Variants in ABAT observed in about 807,000 individuals in gnomAD.
The protein encoded by ABAT is 4-aminobutyrate aminotransferase.
ABAT carries 45 observed loss-of-function variants against 64.6 expected under a neutral mutation model. That is an observed-to-expected ratio of 0.70 (90% CI 0.55 to 0.89). The LOEUF (loss-of-function observed/expected upper bound fraction) is 0.89, where lower values mean the gene tolerates loss of function less well. ABAT is among the 40% of genes least tolerant of loss of function. The pLI is 0.00. For missense variants in ABAT, 633 were observed against 658.4 expected (o/e 0.96, Z 0.42); for synonymous variants, 297 against 250.5 (o/e 1.19, Z -1.75).
chr16:8,686,203 G>A (rs1316544496), intron 1 of ABAT, among the ~76,000 whole-genome samples: 1 of 152,236 alleles, frequency 6.6e-6, no homozygotes, highest in Non-Finnish European at 1.5e-5. Flanking sequence ...CAGGCTGAGC[G>A]CCGGTCTGGG....
At chr16:8,708,747 T>C (rs2058005604) in intron 1 of ABAT, among the ~76,000 whole-genome samples, 1 of 152,236 alleles carries the variant, frequency 6.6e-6, no homozygotes, top group Non-Finnish European at 1.5e-5. Context: ...GCTTTGGGCT[T>C]TGGTTCAAAC....
intron 1 of ABAT, among the ~76,000 whole-genome samples, chr16:8,728,153 T>A (rs547706740): frequency 1.3e-5 from 2 of 152,316 alleles, no homozygotes; most frequent in South Asian, 4.1e-4. Context: ...TTGTGTTGAT[T>A]GAATTAGTGG....
intron 1 of ABAT, among the ~76,000 whole-genome samples, chr16:8,686,749 G>T (rs1175111260): frequency 3.3e-5 from 5 of 152,184 alleles, no homozygotes; most frequent in African/African-American, 1.2e-4. Context: ...CCCACTGCTG[G>T]CTCTGACCTC....
intron 1 of ABAT, among the ~76,000 whole-genome samples, chr16:8,719,875 G>A (rs939215122): frequency 3.3e-5 from 5 of 152,126 alleles, no homozygotes; most frequent in African/African-American, 9.7e-5. Flanking sequence ...GCAGTGGCAC[G>A]ACCTCTACTC....
At chr16:8,706,404 CAAAAAA>C (rs56329419) in intron 1 of ABAT, among the ~76,000 whole-genome samples, 12 of 95,086 alleles carry the variant, frequency 1.3e-4, no homozygotes, top group East Asian at 2.9e-4. Flanking sequence ...GACCCTGTTT[CAAAAAA>C]AAAAAAAAAA....
intron 1 of ABAT, among the ~76,000 whole-genome samples, chr16:8,735,306 C>T (rs953701952): frequency 1.3e-5 from 2 of 151,734 alleles, no homozygotes; most frequent in South Asian, 2.1e-4. Context: ...GGCTGGAGAG[C>T]AGTGGCGCGA....
At chr16:8,693,129 A>G (rs1186393322) in intron 1 of ABAT, among the ~76,000 whole-genome samples, 1 of 152,218 alleles carries the variant, frequency 6.6e-6, no homozygotes, top group Non-Finnish European at 1.5e-5. Context: ...TGTTGGGATT[A>G]CAGGCTTGAG....
intron 11 of ABAT, among the ~76,000 whole-genome samples, chr16:8,771,487 G>A (rs543825816): frequency 2.5e-4 from 29 of 114,058 alleles, no homozygotes; most frequent in Non-Finnish European, 4.9e-4. Context: ...TTTTTTTTGA[G>A]ACAGAGTTTC....
intron 6 of ABAT, among the ~76,000 whole-genome samples, chr16:8,760,812 C>T (rs1445638106): frequency 1.3e-5 from 2 of 152,206 alleles, no homozygotes; most frequent in Non-Finnish European, 2.9e-5. Context: ...TGGTGGCTCA[C>T]GCCTGTAATC....
At chr16:8,722,786 A>T (rs1304486969) in intron 1 of ABAT, 2 of 1,288,310 alleles carry the variant, frequency 1.6e-6, no homozygotes, top group Non-Finnish European at 2.0e-6. Context: ...TCCAGGGTCT[A>T]GCGGATTGCA....
chr16:8,731,732 T>C (rs2058724988), intron 1 of ABAT, among the ~76,000 whole-genome samples: 1 of 152,152 alleles, frequency 6.6e-6, no homozygotes, highest in Admixed American at 6.5e-5. Flanking sequence ...ATAAGCACTT[T>C]TGTTGTATAG....
At chr16:8,688,730 G>C (rs188833604) in intron 1 of ABAT, among the ~76,000 whole-genome samples, 2 of 152,278 alleles carry the variant, frequency 1.3e-5, no homozygotes, top group Non-Finnish European at 2.9e-5. Context: ...CGGGATTACA[G>C]GCATGAGCCA....
At chr16:8,736,261 T>C (rs11074533) in intron 2 of ABAT, 187,719 of 198,516 alleles carry the variant, frequency 0.95, 89,113 homozygotes, top group East Asian at 1. Context: ...ATGGGAGCTA[T>C]GATTTAAGAT....
intron 1 of ABAT, among the ~76,000 whole-genome samples, chr16:8,712,335 C>T (rs1413241078): frequency 6.6e-6 from 1 of 152,180 alleles, no homozygotes; most frequent in African/African-American, 2.4e-5. Context: ...CTGATGTCTA[C>T]AGTTAACTTT....
At chr16:8,703,558 G>A (rs557957979) in intron 1 of ABAT, among the ~76,000 whole-genome samples, 3 of 152,296 alleles carry the variant, frequency 2.0e-5, no homozygotes, top group South Asian at 4.1e-4. Context: ...TAGGTGGATG[G>A]CAAATGGTGA....
chr16:8,687,482 C>T (rs1446986968), intron 1 of ABAT, among the ~76,000 whole-genome samples: 3 of 152,196 alleles, frequency 2.0e-5, no homozygotes, highest in Admixed American at 6.5e-5. Flanking sequence ...GCCGAGATCG[C>T]GCCACCGCAC....
intron 1 of ABAT, among the ~76,000 whole-genome samples, chr16:8,730,422 C>G (rs1037983004): frequency 6.6e-6 from 1 of 152,180 alleles, no homozygotes; most frequent in African/African-American, 2.4e-5. Context: ...GCCTGATTCT[C>G]CACACTATTC....
At chr16:8,691,188 A>G (rs1236249207) in intron 1 of ABAT, among the ~76,000 whole-genome samples, 1 of 152,188 alleles carries the variant, frequency 6.6e-6, no homozygotes. Flanking sequence ...GCTTGGTAAT[A>G]TACTGTGTAC....
chr16:8,766,740 G>A lies in ABAT; in HGVS notation c.603+470G>A, dbSNP rs377319793. On this transcript the variant is annotated intron_variant, in intron 9 of 15. Coordinates refer to ENST00000268251, the MANE Select transcript of ABAT (RefSeq NM_020686.6). Reference sequence around the variant, plus strand: ...TCCCAGCACTTTGGGAGGCCGAGGCGGGTGGATCTCCCGAGGTCAGGAGTT... The same window carrying A: ...TCCCAGCACTTTGGGAGGCCGAGGCAGGTGGATCTCCCGAGGTCAGGAGTT... 3.4e-4 allele frequency among the ~76,000 whole-genome samples: 51 copies of A among 150,648 alleles called. No individual in the cohort carries two copies. The South Asian group carries it at 9.5e-3, about 28-fold the overall frequency.
Sources: gnomAD v4.1 joint callset for allele counts (sites outside exome capture counted in the v4.1 genomes callset) on GRCh38, gnomAD v4.1.1 for gene constraint, MANE v1.5 for transcripts, NCBI Gene and HGNC (gene_info 2026-07-23, HGNC 2026-07-21) for gene names.